Variants in SMIM36 observed in about 807,000 individuals in gnomAD.
SMIM36 encodes small integral membrane protein 36.
chr17:55,478,954 C>G (rs1909472141), intron 2 of SMIM36, 141 bp from the exon 3 acceptor site: 1 of 152,158 alleles, frequency 6.6e-6, no homozygotes. Flanking sequence ...ATCCCAAAGT[C>G]CTGTAGACCC....
At chr17:55,491,893 C>T (rs906541631) in intron 1 of SMIM36, among the ~76,000 whole-genome samples, 1 of 152,154 alleles carries the variant, frequency 6.6e-6, no homozygotes, top group African/African-American at 2.4e-5. Context: ...GGCGGGGTGG[C>T]TCACACCTGT....
At chr17:55,509,557 G>C (rs1467946617) in intron 1 of SMIM36, among the ~76,000 whole-genome samples, 1 of 152,162 alleles carries the variant, frequency 6.6e-6, no homozygotes, top group Non-Finnish European at 1.5e-5. Flanking sequence ...ACTTCTAAAA[G>C]AGCATCTGCA....
At chr17:55,475,813 A>T (rs929608824) in intron 3 of SMIM36, among the ~76,000 whole-genome samples, 1 of 152,112 alleles carries the variant, frequency 6.6e-6, no homozygotes, top group African/African-American at 2.4e-5. Context: ...CTCAATTCAT[A>T]CAAAACCGCA....
upstream of SMIM36, among the ~76,000 whole-genome samples, chr17:55,513,512 G>C (rs1910217154): frequency 6.6e-6 from 1 of 152,216 alleles, no homozygotes; most frequent in South Asian, 2.1e-4. Context: ...AGAGTTGTCT[G>C]TTGCATCTGT....
intron 1 of SMIM36, among the ~76,000 whole-genome samples, chr17:55,491,726 G>A (rs1909709020): frequency 6.6e-6 from 1 of 152,160 alleles, no homozygotes; most frequent in Admixed American, 6.6e-5. Context: ...AACTGCAGTG[G>A]CCAGCCTTTA....
At chr17:55,487,627 G>GT (rs1309071214) in intron 1 of SMIM36, among the ~76,000 whole-genome samples, 1 of 152,202 alleles carries the variant, frequency 6.6e-6, no homozygotes, top group Non-Finnish European at 1.5e-5. Flanking sequence ...GAATATATGG[G>GT]TGGGGGCCTT....
chr17:55,500,626 A>G (rs2144715632), intron 1 of SMIM36, among the ~76,000 whole-genome samples: 1 of 150,798 alleles, frequency 6.6e-6, no homozygotes, highest in Middle Eastern at 3.4e-3. Flanking sequence ...TTTCCGAGAG[A>G]GAAATATAAA....
chr17:55,518,528 A>G, the SMIM36 span, among the ~76,000 whole-genome samples: 1 of 152,238 alleles, frequency 6.6e-6, no homozygotes, highest in Non-Finnish European at 1.5e-5. Context: ...AGATTTTGCT[A>G]AAATTAGAAG....
chr17:55,469,632 T>C (rs1909306280), intron 3 of SMIM36, among the ~76,000 whole-genome samples: 1 of 152,142 alleles, frequency 6.6e-6, no homozygotes, highest in African/African-American at 2.4e-5. Flanking sequence ...TATTTCTGAG[T>C]TGCAATTACT....
At chr17:55,527,825 T>A in the SMIM36 span, 1 of 152,188 alleles carries the variant, frequency 6.6e-6, no homozygotes, top group Non-Finnish European at 1.5e-5. Flanking sequence ...TCAACTTAGG[T>A]TTGAACACCT....
At chr17:55,451,107 G>A (rs918592108) in intron 4 of SMIM36, among the ~76,000 whole-genome samples, 1 of 152,064 alleles carries the variant, frequency 6.6e-6, no homozygotes, top group African/African-American at 2.4e-5. Context: ...GGCTGGTCTC[G>A]AACTCCTGAC....
intron 1 of SMIM36, among the ~76,000 whole-genome samples, chr17:55,499,272 C>T (rs1909867552): frequency 6.6e-6 from 1 of 152,092 alleles, no homozygotes; most frequent in South Asian, 2.1e-4. Flanking sequence ...CCTAGGCATG[C>T]AATTCTAGCA....
chr17:55,463,558 T>C (rs1019308087), intron 4 of SMIM36, among the ~76,000 whole-genome samples: 1 of 151,858 alleles, frequency 6.6e-6, no homozygotes, highest in Non-Finnish European at 1.5e-5. Context: ...TTCTAAATAA[T>C]AATAATATAA....
Position 55,486,759 on chromosome 17 carries a change from C to T in SMIM36, c.*175-7179G>A, listed in dbSNP as rs144812793. On this transcript the variant is annotated intron_variant, in intron 1 of 4. Transcript: ENST00000636752. Reference sequence around the variant, plus strand: ...TCATCTCCAAGTCAAATTTCAATTCCCTATTCCTTACTTTAACATGAAAGG... The same window carrying T: ...TCATCTCCAAGTCAAATTTCAATTCTCTATTCCTTACTTTAACATGAAAGG... Among the ~76,000 whole-genome samples, 18 of 152,194 alleles carry T rather than the reference C, an allele frequency of 1.2e-4. No individual in the cohort carries two copies. The East Asian group carries it at 3.3e-3, about 28-fold the overall frequency.
At chr17:55,455,626 C>G (rs768956603) in intron 4 of SMIM36, among the ~76,000 whole-genome samples, 1 of 151,852 alleles carries the variant, frequency 6.6e-6, no homozygotes, top group East Asian at 1.9e-4. Context: ...CTCGTCTCTA[C>G]GAAAAATCAA....
intron 1 of SMIM36, among the ~76,000 whole-genome samples, chr17:55,488,561 C>A (rs1909648073): frequency 6.6e-6 from 1 of 152,178 alleles, no homozygotes; most frequent in Non-Finnish European, 1.5e-5. Context: ...TTGCTTTTCT[C>A]ATTTACTATT....
At chr17:55,485,697 T>C (rs1909591929) in intron 1 of SMIM36, among the ~76,000 whole-genome samples, 2 of 152,256 alleles carry the variant, frequency 1.3e-5, no homozygotes, top group African/African-American at 4.8e-5. Context: ...TAATATACAT[T>C]GTGCTTGCTA....
At chr17:55,503,068 A>C (rs532729512) in intron 1 of SMIM36, among the ~76,000 whole-genome samples, 3,540 of 134,802 alleles carry the variant, frequency 0.026, 167 homozygotes, top group African/African-American at 0.095. Context: ...GAAATATGGG[A>C]CTATGTGAAA....
intron 1 of SMIM36, among the ~76,000 whole-genome samples, chr17:55,501,346 T>G (rs1272887884): frequency 1.2e-5 from 1 of 85,888 alleles, no homozygotes; most frequent in Non-Finnish European, 2.0e-5. Flanking sequence ...ATATTATATA[T>G]TATATTTTAT....
Sources: allele counts gnomAD v4.1 joint callset (sites outside exome capture counted in the v4.1 genomes callset), GRCh38; gene constraint gnomAD v4.1.1; transcripts MANE v1.5; gene names NCBI Gene and HGNC (gene_info 2026-07-23, HGNC 2026-07-21).